Variants in CSNK1G3 observed in about 807,000 individuals in gnomAD.
The protein encoded by CSNK1G3 is casein kinase I isoform gamma-3.
In CSNK1G3, 23 loss-of-function variants were observed where a neutral mutation model predicts 64.3. The ratio of observed to expected loss-of-function variants is 0.36; its 90% CI spans 0.26 to 0.51. The LOEUF (loss-of-function observed/expected upper bound fraction) is 0.51, where lower values mean the gene tolerates loss of function less well. Among genes scored for constraint, CSNK1G3 ranks in the 20% least tolerant of loss-of-function variants. The pLI, the probability that CSNK1G3 is intolerant of heterozygous loss-of-function variation, is 0.96. For missense variants in CSNK1G3, 357 were observed against 510.5 expected, an observed-to-expected ratio of 0.70 and a Z score of 2.90; for synonymous variants, 158 against 162.2, an observed-to-expected ratio of 0.97 and a Z score of 0.20.
At chr5:123,579,309 A>G (rs1462293201) in intron 6 of CSNK1G3, among the ~76,000 whole-genome samples, 2 of 146,380 alleles carry the variant, frequency 1.4e-5, no homozygotes, top group Admixed American at 1.4e-4. Flanking sequence ...TTTTTTTTTA[A>G]GAAAAGTAAG....
intron 4 of CSNK1G3, among the ~76,000 whole-genome samples, chr5:123,568,353 C>T (rs918446042): frequency 6.6e-6 from 1 of 152,118 alleles, no homozygotes; most frequent in Non-Finnish European, 1.5e-5. Context: ...TCTTCTCGGT[C>T]CAACCACTGG....
chr5:123,576,344 C>T (rs569027696), intron 6 of CSNK1G3, among the ~76,000 whole-genome samples: 2 of 152,250 alleles, frequency 1.3e-5, no homozygotes, highest in African/African-American at 4.8e-5. Context: ...TCCAATATGG[C>T]TAGCCACAGA....
intron 1 of CSNK1G3, among the ~76,000 whole-genome samples, chr5:123,518,111 T>G (rs1777496880): frequency 6.6e-6 from 1 of 152,176 alleles, no homozygotes; most frequent in Non-Finnish European, 1.5e-5. Flanking sequence ...GGGGTAAGCC[T>G]TCTTATAGTT....
intron 4 of CSNK1G3, among the ~76,000 whole-genome samples, chr5:123,565,026 A>T (rs1786554186): frequency 6.6e-6 from 1 of 152,222 alleles, no homozygotes; most frequent in Non-Finnish European, 1.5e-5. Context: ...GAAATATAAA[A>T]ATGTTGCTAT....
At chr5:123,581,252 T>G (rs1383968533) in intron 6 of CSNK1G3, among the ~76,000 whole-genome samples, 1 of 151,502 alleles carries the variant, frequency 6.6e-6, no homozygotes, top group Non-Finnish European at 1.5e-5. Context: ...TATAGCAATA[T>G]TCTCAAGATC....
At chr5:123,544,269 C>G (rs148193899) in intron 1 of CSNK1G3, among the ~76,000 whole-genome samples, 3 of 152,264 alleles carry the variant, frequency 2.0e-5, no homozygotes, top group African/African-American at 7.2e-5. Context: ...TGCTTTCTTG[C>G]AAAGTGTTTT....
chr5:123,595,962 T>A (rs1002081905), intron 10 of CSNK1G3, among the ~76,000 whole-genome samples: 3 of 151,916 alleles, frequency 2.0e-5, no homozygotes, highest in Non-Finnish European at 4.4e-5. Flanking sequence ...CAATTTAGAA[T>A]TTTTTTTACA....
intron 10 of CSNK1G3, among the ~76,000 whole-genome samples, chr5:123,593,604 A>G (rs1472969011): frequency 6.6e-6 from 1 of 152,038 alleles, no homozygotes; most frequent in Non-Finnish European, 1.5e-5. Context: ...CAATTTTAGC[A>G]TCATTTTTAT....
chr5:123,583,753 C>G (rs1344968531), intron 6 of CSNK1G3, among the ~76,000 whole-genome samples: 4 of 151,996 alleles, frequency 2.6e-5, no homozygotes, highest in African/African-American at 7.3e-5. Flanking sequence ...AACCATGGCT[C>G]CCTGCATTGT....
At chr5:123,516,724 A>G (rs1777227709) in intron 1 of CSNK1G3, among the ~76,000 whole-genome samples, 1 of 152,196 alleles carries the variant, frequency 6.6e-6, no homozygotes. Flanking sequence ...TGAGTAAGTT[A>G]TGTCCACATG....
At chr5:123,526,839 ATT>A (rs1779166571) in intron 1 of CSNK1G3, among the ~76,000 whole-genome samples, 1 of 109,738 alleles carries the variant, frequency 9.1e-6, no homozygotes, top group Non-Finnish European at 1.9e-5. Context: ...TCATGTACAG[ATT>A]GTGTGTGTGT....
chr5:123,536,734 A>G (rs1169533928), intron 1 of CSNK1G3, among the ~76,000 whole-genome samples: 2 of 152,158 alleles, frequency 1.3e-5, no homozygotes, highest in Non-Finnish European at 2.9e-5. Flanking sequence ...AATTGTTAAA[A>G]AAGTGGCATT....
intron 4 of CSNK1G3, among the ~76,000 whole-genome samples, chr5:123,565,485 A>G (rs201339129): frequency 1.3e-5 from 2 of 152,238 alleles, no homozygotes; most frequent in East Asian, 1.9e-4. Flanking sequence ...TCTAGCCACA[A>G]TTTAGGTTTT....
intron 6 of CSNK1G3, among the ~76,000 whole-genome samples, chr5:123,586,519 A>C (rs560584539): frequency 9.5e-4 from 144 of 152,314 alleles, no homozygotes; most frequent in Non-Finnish European, 1.1e-3. Flanking sequence ...GCTATTTTTA[A>C]TAGCATATAC....
In CSNK1G3 at chr5:123,556,950, A is replaced by G. The variant is rs537357691; in HGVS notation, c.220-545A>G. On this transcript the variant is annotated intron_variant, in intron 3 of 12. Transcript: ENST00000345990. ...AAAAAAGGTATGATGGAAATGTTCT[A>G]TAGATTGGTGTGGTGGTTATAGGGA... Among the ~76,000 whole-genome samples the G allele has an allele frequency of 4.4e-4, 67 of 152,282 alleles. 1 individual carries two copies. The highest frequency in any genetic ancestry group is 1.2e-3 in the African/African-American group (51 of 41,574).
intron 1 of CSNK1G3, among the ~76,000 whole-genome samples, chr5:123,518,174 A>G (rs1777508664): frequency 6.6e-6 from 1 of 152,200 alleles, no homozygotes; most frequent in Non-Finnish European, 1.5e-5. Flanking sequence ...TGTTCTTTGA[A>G]GGAGGAAATG....
Position 123,605,330 on chromosome 5 carries a change from TGC to T in CSNK1G3, c.1194-7_1194-6del. ...TTCCTTGTATTTTTTTTTTTGTGTG[TGC>T]GTATAGCTGCCAGAAAGTGTTGAAC... is the stretch of plus-strand genomic sequence containing the variant. On this transcript the variant is annotated splice_region_variant and splice_polypyrimidine_tract_variant and intron_variant, in intron 11 of 12. Transcript: ENST00000345990. The T allele has an allele frequency of 1.2e-6, 2 of 1,605,748 alleles. No individual in the cohort carries two copies. The highest frequency in any genetic ancestry group is 2.2e-5 in the South Asian group (2 of 89,638).
intron 4 of CSNK1G3, among the ~76,000 whole-genome samples, chr5:123,564,371 A>T (rs1786405116): frequency 6.6e-6 from 1 of 152,072 alleles, no homozygotes; most frequent in Non-Finnish European, 1.5e-5. Context: ...TTTGAATAGG[A>T]TATTACTAAA....
intron 5 of CSNK1G3, 137 bp from the exon 6 acceptor site, chr5:123,575,592 C>T (rs906425878): frequency 6.5e-6 from 4 of 613,622 alleles, no homozygotes; most frequent in African/African-American, 3.7e-5. Context: ...AGGCTGACAT[C>T]ATTTTACTTT....
Sources: allele counts gnomAD v4.1 joint callset (sites outside exome capture counted in the v4.1 genomes callset), GRCh38; gene constraint gnomAD v4.1.1; transcripts MANE v1.5; gene names NCBI Gene and HGNC (gene_info 2026-07-23, HGNC 2026-07-21).